Variants in JHY observed in about 807,000 individuals in gnomAD.
JHY encodes the protein junctional cadherin complex regulator.
In JHY, 69 loss-of-function variants were observed where a neutral mutation model predicts 78.0. The observed-to-expected ratio is 0.88, with a 90% CI of 0.73 to 1.08. JHY has a LOEUF of 1.08. Ranked by LOEUF, JHY falls within the 50% of genes least tolerant of loss-of-function variation. The pLI is 0.00. For missense variants in JHY, 944 were observed against 927.8 expected (o/e 1.02, Z -0.23); for synonymous variants, 368 against 342.6 (o/e 1.07, Z -0.82).
At chr11:122,928,345 G>A (rs1385748569) in intron 4 of JHY, among the ~76,000 whole-genome samples, 1 of 152,078 alleles carries the variant, frequency 6.6e-6, no homozygotes, top group Non-Finnish European at 1.5e-5. Context: ...ATTATTTAGT[G>A]TATCTCCAGG....
chr11:122,887,966 A>T (rs945477319), intron 2 of JHY, among the ~76,000 whole-genome samples: 22 of 152,162 alleles, frequency 1.4e-4, no homozygotes, highest in African/African-American at 4.6e-4. Flanking sequence ...AGTCACTGCA[A>T]GGGCTCGTGT....
rs80251391 is a variant in JHY, at chr11:122,938,010, G to GTT, written c.1634+2942_1634+2943dup. Among the ~76,000 whole-genome samples the GTT allele has an allele frequency of 5.8e-3, 884 of 151,422 alleles. 6 individuals are homozygous for GTT. The highest frequency in any genetic ancestry group is 0.016 in the African/African-American group (674 of 41,220). On this transcript the variant is annotated intron_variant, in intron 5 of 8. Transcript: ENST00000227349. ...ATTCCTGATCCTTTGTATATAATCT[G>GTT]TTTTTTTTGTTGTTGTTTTTTGTTT...
At chr11:122,900,575 G>C (rs1305666587) in intron 2 of JHY, among the ~76,000 whole-genome samples, 1 of 127,702 alleles carries the variant, frequency 7.8e-6, no homozygotes, top group Non-Finnish European at 1.6e-5. Flanking sequence ...GATTGTCATG[G>C]GGAAAAGGGA....
In JHY at chr11:122,962,560, C is replaced by T. The variant is rs539584171; in HGVS notation, c.*3115C>T. ...TGTATTTATAAGAGAAGAGGCCCTT[C>T]TAGGTGCATGAAGACATTTCTAGAA... On this transcript the variant is annotated 3_prime_UTR_variant, in exon 9 of 9. Coordinates refer to ENST00000227349, the MANE Select transcript of JHY (RefSeq NM_024806.4). Among the ~76,000 whole-genome samples the T allele has an allele frequency of 3.4e-4, 51 of 152,230 alleles. No homozygotes were observed. Among genetic ancestry groups the T allele is most frequent in the African/African-American group, 1.2e-3 (50 of 41,570 alleles).
At chr11:122,943,940 T>G (rs1182275254) in intron 5 of JHY, among the ~76,000 whole-genome samples, 1 of 152,182 alleles carries the variant, frequency 6.6e-6, no homozygotes, top group Non-Finnish European at 1.5e-5. Flanking sequence ...GTGCAGTGGC[T>G]CACACCTGTA....
At chr11:122,950,143 T>G (rs895000465) in intron 6 of JHY, among the ~76,000 whole-genome samples, 1 of 152,048 alleles carries the variant, frequency 6.6e-6, no homozygotes, top group Non-Finnish European at 1.5e-5. Flanking sequence ...TACAAACGTG[T>G]TTTTTTAATC....
chr11:122,940,388 T>G (rs1294212532), intron 5 of JHY, among the ~76,000 whole-genome samples: 1 of 152,186 alleles, frequency 6.6e-6, no homozygotes, highest in East Asian at 1.9e-4. Flanking sequence ...CACTTTTCAT[T>G]GTTTTCTATA....
chr11:122,891,684 T>C (rs1862617112), intron 2 of JHY, among the ~76,000 whole-genome samples: 1 of 152,196 alleles, frequency 6.6e-6, no homozygotes, highest in African/African-American at 2.4e-5. Context: ...CTTTGCTTTA[T>C]ATATACAATC....
chr11:122,927,692 T>G (rs1006754227), intron 4 of JHY, among the ~76,000 whole-genome samples: 2 of 152,076 alleles, frequency 1.3e-5, no homozygotes, highest in African/African-American at 2.4e-5. Context: ...CGTGTCTCAT[T>G]AACTGCTGCC....
chr11:122,953,681 A>G (rs572798629), intron 6 of JHY, among the ~76,000 whole-genome samples: 76 of 152,230 alleles, frequency 5.0e-4, no homozygotes, highest in African/African-American at 1.8e-3. Flanking sequence ...ATGAACAGAC[A>G]GATATAATGG....
At position 122,898,508 on chromosome 11, in the gene JHY, A is replaced by G. The variant is rs916425784; in HGVS notation, c.345-5417A>G. On this transcript the variant is annotated intron_variant, in intron 2 of 8. Coordinates refer to ENST00000227349, the MANE Select transcript of JHY (RefSeq NM_024806.4). This position sits in a 1 kb window ranked among gnomAD's most constrained non-coding sequence, Gnocchi z 4.4. ...AAGGAAAAAAAACTGAAGACTCACA[A>G]CAAACATTCCCTAGATCATCAAACA... Among the ~76,000 whole-genome samples the G allele has an allele frequency of 3.3e-5, 5 of 152,126 alleles. No homozygotes were observed. Among genetic ancestry groups the G allele is most frequent in the Non-Finnish European group, 5.9e-5 (4 of 68,026 alleles).
chr11:122,961,078 C>T lies in JHY; in HGVS notation c.*1633C>T. 3.9e-6 allele frequency: 4 copies of T among 1,019,214 alleles called. No individual in the cohort carries two copies. The South Asian group carries it at 5.1e-5, about 13-fold the overall frequency. 63.1% of individuals were successfully genotyped at this position (1,019,214 alleles called of 1,614,324 possible). A position where few individuals can be genotyped will look rare whatever the true frequency, so the allele number is the denominator to read the frequency against. On this transcript the variant is annotated 3_prime_UTR_variant, in exon 9 of 9. Transcript: ENST00000227349. ...TTGGCAAAGAAGACTCATGCACAGC[C>T]AGTTATGTAAATGTATCTATCCCAA...
At chr11:122,905,962 A>G (rs1479844434) in intron 3 of JHY, 1 of 152,158 alleles carries the variant, frequency 6.6e-6, no homozygotes, top group Non-Finnish European at 1.5e-5. Context: ...AAAATTCAAA[A>G]AAAGAATTAT....
In JHY at chr11:122,959,394, CGAAA is replaced by C; in HGVS notation, c.2288_2291del (p.Glu763GlyfsTer30). 1 of 1,614,048 alleles carries C rather than the reference CGAAA, an allele frequency of 6.2e-7. No individual in the cohort carries two copies. Among genetic ancestry groups the C allele is most frequent in the East Asian group, 2.2e-5 (1 of 44,868 alleles). ...TGCTGGAAATACTGCAGAACAGACA[CGAAA>C]GGGAAAAACAGGCTGTGGCTGCTTT... On this transcript the variant is annotated frameshift_variant, in exon 9 of 9. Transcript: ENST00000227349. LOFTEE classifies it high-confidence loss of function.
At chr11:122,958,769 A>T in intron 8 of JHY, 1 of 985,272 alleles carries the variant, frequency 1.0e-6, no homozygotes, top group South Asian at 4.7e-5. Context: ...TTCAACCTCA[A>T]ATACTTTCTA....
chr11:122,905,513 C>G, intron 3 of JHY: 1 of 1,145,480 alleles, frequency 8.7e-7, no homozygotes, highest in Non-Finnish European at 1.1e-6. Context: ...TCTAATGGAA[C>G]AAAATAGATG....
chr11:122,931,339 G>A (rs1249204206), intron 4 of JHY, among the ~76,000 whole-genome samples: 2 of 152,138 alleles, frequency 1.3e-5, no homozygotes, highest in East Asian at 3.8e-4. Flanking sequence ...TAGTATTAAA[G>A]ATATATAGGA....
intron 6 of JHY, 200 bp downstream of exon 6, chr11:122,946,992 C>A: frequency 1.8e-6 from 1 of 550,436 alleles, no homozygotes; most frequent in Non-Finnish European, 3.0e-6. Flanking sequence ...GAAGTTGTTG[C>A]TGCCAGGGAT....
Position 122,959,825 on chromosome 11 carries a change from G to T in JHY, c.*380G>T. On this transcript the variant is annotated 3_prime_UTR_variant, in exon 9 of 9. Coordinates refer to ENST00000227349, the MANE Select transcript of JHY (RefSeq NM_024806.4). ...TGTTTCTCTCTTACCTTCCTAGTAAGAAAAACAAGTATAAACATTTCAGTT... is the reference window on the plus strand; with the variant it reads ...TGTTTCTCTCTTACCTTCCTAGTAATAAAAACAAGTATAAACATTTCAGTT... 6.0e-6 allele frequency: 1 copy of T among 167,774 alleles called. No individual in the cohort carries two copies. Among genetic ancestry groups the T allele is most frequent in the African/African-American group, 2.4e-5 (1 of 41,718 alleles). The allele number at this position is 167,774 out of a possible 1,614,324, so 10.4% of individuals were successfully genotyped here.
Sources: allele counts gnomAD v4.1 joint callset (sites outside exome capture counted in the v4.1 genomes callset), GRCh38; gene constraint gnomAD v4.1.1; non-coding constraint Gnocchi (gnomAD v3.1); transcripts MANE v1.5; gene names NCBI Gene and HGNC (gene_info 2026-07-23, HGNC 2026-07-21).